KLRG1: variants seen among roughly 807,000 people sequenced by gnomAD.
KLRG1 encodes killer cell lectin-like receptor subfamily G member 1.
KLRG1 carries 16 observed loss-of-function variants against 21.8 expected under a neutral mutation model. The observed-to-expected ratio is 0.73, with a 90% CI of 0.50 to 1.11. The LOEUF is 1.11. Among genes scored for constraint, KLRG1 ranks in the 50% most tolerant of loss-of-function variants. KLRG1 has a pLI of 0.00. For missense variants in KLRG1, 173 were observed against 218.3 expected (o/e 0.79, Z 1.31); for synonymous variants, 69 against 75.9 (o/e 0.91, Z 0.47).
the KLRG1 span, chr12:9,112,679 A>C: frequency 1.2e-6 from 1 of 814,012 alleles, no homozygotes; most frequent in Non-Finnish European, 1.9e-6. Context: ...TGGCATGGAC[A>C]GGAATCACTT....
At chr12:9,076,657 A>G in the KLRG1 span, 1 of 1,065,602 alleles carries the variant, frequency 9.4e-7, no homozygotes, top group Non-Finnish European at 1.4e-6. Flanking sequence ...AAAAGAAGAG[A>G]GGAGACAGGG....
At chr12:9,017,713 G>A in the KLRG1 span, among the ~76,000 whole-genome samples, 1 of 152,164 alleles carries the variant, frequency 6.6e-6, no homozygotes, top group Admixed American at 6.5e-5. Flanking sequence ...ACATGACAAG[G>A]ATGCCCATTT....
the KLRG1 span, chr12:9,154,894 G>A: frequency 2.3e-5 from 34 of 1,486,388 alleles, no homozygotes; most frequent in Non-Finnish European, 3.1e-5. Context: ...AATTATAACT[G>A]GTAGATAAGA....
At chr12:9,074,820 A>C in the KLRG1 span, 2 of 1,545,964 alleles carry the variant, frequency 1.3e-6, no homozygotes, top group South Asian at 2.4e-5. Flanking sequence ...AAGTGCCTAC[A>C]TATTTATATT....
chr12:9,151,512 T>C, the KLRG1 span: 18 of 1,049,674 alleles, frequency 1.7e-5, no homozygotes, highest in Admixed American at 3.9e-4. Context: ...TACTAATGAT[T>C]GTTTTCCTCA....
chr12:9,092,501 C>T, the KLRG1 span, among the ~76,000 whole-genome samples: 1 of 152,114 alleles, frequency 6.6e-6, no homozygotes, highest in Non-Finnish European at 1.5e-5. Context: ...AAACAGCCTG[C>T]ATCTGGGAGT....
the KLRG1 span, among the ~76,000 whole-genome samples, chr12:9,087,138 GA>G: frequency 0.54 from 81,508 of 151,632 alleles, 23,044 homozygotes; most frequent in African/African-American, 0.7. Flanking sequence ...ACAAATAAAT[GA>G]AAAAAAATAC....
the KLRG1 span, chr12:9,109,894 C>G: frequency 1.2e-6 from 2 of 1,611,042 alleles, no homozygotes; most frequent in South Asian, 1.1e-5. Flanking sequence ...AAAGGGTGCT[C>G]TGTCCTTCCA....
the KLRG1 span, chr12:9,099,580 G>A: frequency 9.7e-6 from 15 of 1,545,026 alleles, no homozygotes; most frequent in Non-Finnish European, 1.3e-5. Context: ...ATTTCCATTA[G>A]TAGATGTAAC....
At chr12:9,126,398 G>T in the KLRG1 span, among the ~76,000 whole-genome samples, 1 of 152,180 alleles carries the variant, frequency 6.6e-6, no homozygotes, top group Admixed American at 6.5e-5. Context: ...AAGTGACACA[G>T]GACTTTTTGA....
At chr12:8,994,981 A>G in intron 2 of KLRG1, 138 bp from the exon 3 acceptor site, 1 of 657,482 alleles carries the variant, frequency 1.5e-6, no homozygotes, top group African/African-American at 1.9e-5. Context: ...ACGCATTGTT[A>G]CACATTTCTC....
At chr12:9,101,420 A>G in the KLRG1 span, 3 of 1,579,144 alleles carry the variant, frequency 1.9e-6, no homozygotes, top group South Asian at 3.4e-5. Context: ...TCTACAGTGA[A>G]GTCAACGCAG....
chr12:9,098,869 C>T, the KLRG1 span: 63 of 1,212,336 alleles, frequency 5.2e-5, no homozygotes, highest in Non-Finnish European at 6.3e-5. Flanking sequence ...TGCTTGACTT[C>T]GTGGAGGGTT....
the KLRG1 span, chr12:9,101,716 C>A: frequency 4.2e-6 from 6 of 1,443,288 alleles, no homozygotes; most frequent in South Asian, 6.3e-5. Flanking sequence ...GATTATACGT[C>A]ATAAAGATTA....
At chr12:9,154,115 G>A in the KLRG1 span, among the ~76,000 whole-genome samples, 1 of 152,214 alleles carries the variant, frequency 6.6e-6, no homozygotes, top group Non-Finnish European at 1.5e-5. Flanking sequence ...CACATTTTTT[G>A]GGGAATACAT....
At chr12:9,155,989 G>T in the KLRG1 span, 1 of 168,654 alleles carries the variant, frequency 5.9e-6, no homozygotes, top group South Asian at 1.5e-4. Context: ...CACCAATAAA[G>T]AACTGGTAGT....
the KLRG1 span, chr12:9,192,817 C>A: frequency 2.8e-4 from 267 of 964,674 alleles, no homozygotes; most frequent in Non-Finnish European, 5.1e-5. Context: ...TGAATAGTTA[C>A]AACGGTGTCT....
the KLRG1 span, chr12:9,055,826 G>A: frequency 1.3e-5 from 2 of 152,704 alleles, no homozygotes; most frequent in African/African-American, 4.8e-5. Context: ...CAGCAGCAGG[G>A]CTTTGCTAAA....
chr12:8,956,663 T>G (rs997012656), intron 1 of KLRG1, among the ~76,000 whole-genome samples: 8 of 152,116 alleles, frequency 5.3e-5, no homozygotes, highest in Non-Finnish European at 7.4e-5. Context: ...GCCCGGCTGG[T>G]CTCGAACTCC....
Sources: gnomAD v4.1 joint callset for allele counts (sites outside exome capture counted in the v4.1 genomes callset) on GRCh38, gnomAD v4.1.1 for gene constraint, MANE v1.5 for transcripts, NCBI Gene and HGNC (gene_info 2026-07-23, HGNC 2026-07-21) for gene names.